UGGT1: variants seen among roughly 807,000 people sequenced by gnomAD.
The protein encoded by UGGT1 is UDP-glucose:glycoprotein glucosyltransferase 1.
UGGT1 carries 107 observed loss-of-function variants against 203.9 expected under a neutral mutation model. That is an observed-to-expected ratio of 0.52 (90% CI 0.45 to 0.62). The LOEUF is 0.62. UGGT1 is among the 20% of genes least tolerant of loss of function. The pLI is 0.00. For missense variants in UGGT1, 1,673 were observed against 1,867.2 expected (o/e 0.90, Z 1.92); for synonymous variants, 628 against 653.5 (o/e 0.96, Z 0.59).
At chr2:128,182,372 A>G in intron 37 of UGGT1, 82 bp downstream of exon 37, 8 of 1,448,894 alleles carry the variant, frequency 5.5e-6, no homozygotes, top group Non-Finnish European at 6.5e-6. Context: ...TGAATAGGTA[A>G]TACATTGGTA....
intron 22 of UGGT1, among the ~76,000 whole-genome samples, chr2:128,158,090 A>G (rs1484169509): frequency 1.3e-5 from 2 of 152,208 alleles, no homozygotes; most frequent in Admixed American, 6.5e-5. Context: ...GCTGTGGTCA[A>G]TTTGAAGTTA....
intron 15 of UGGT1, among the ~76,000 whole-genome samples, chr2:128,137,273 G>A (rs1178318152): frequency 6.6e-6 from 1 of 152,166 alleles, no homozygotes; most frequent in African/African-American, 2.4e-5. Flanking sequence ...AAAAAGAGTA[G>A]CCAGGCGTGG....
At chr2:128,158,064 A>G (rs1690327391) in intron 22 of UGGT1, among the ~76,000 whole-genome samples, 1 of 152,162 alleles carries the variant, frequency 6.6e-6, no homozygotes, top group Admixed American at 6.5e-5. Context: ...TTTATTGTTC[A>G]AGGAGTGGAC....
At chr2:128,160,707 G>T in intron 24 of UGGT1, 116 bp downstream of exon 24, 1 of 1,389,618 alleles carries the variant, frequency 7.2e-7, no homozygotes, top group Non-Finnish European at 9.6e-7. Flanking sequence ...AGGTGATTGG[G>T]GCTTATGAAG....
intron 34 of UGGT1, 99 bp from the exon 35 acceptor site, chr2:128,179,687 C>T: frequency 3.0e-6 from 3 of 998,228 alleles, no homozygotes; most frequent in Non-Finnish European, 4.5e-6. Context: ...GTTAGCTCTG[C>T]CGTAAAGAGC....
At chr2:128,132,801 C>T (rs1688945153) in intron 13 of UGGT1, among the ~76,000 whole-genome samples, 1 of 152,028 alleles carries the variant, frequency 6.6e-6, no homozygotes, top group Non-Finnish European at 1.5e-5. Flanking sequence ...GCCTCGAACC[C>T]CTTGGGCTCA....
chr2:128,132,205 C>CT (rs796930833), intron 13 of UGGT1, among the ~76,000 whole-genome samples: 128 of 145,400 alleles, frequency 8.8e-4, no homozygotes, highest in Non-Finnish European at 5.2e-4. Context: ...TTTTCATATT[C>CT]TTTTTTTTTT....
chr2:128,132,237 C>G (rs1573545486), intron 13 of UGGT1, among the ~76,000 whole-genome samples: 1 of 128,572 alleles, frequency 7.8e-6, no homozygotes, highest in Non-Finnish European at 1.7e-5. Flanking sequence ...TTTACATTTT[C>G]TTTTTTCCTT....
chr2:128,163,540 C>G (rs1429548805), intron 25 of UGGT1, among the ~76,000 whole-genome samples: 1 of 151,642 alleles, frequency 6.6e-6, no homozygotes, highest in East Asian at 2.0e-4. Flanking sequence ...ACGGTGAAAC[C>G]CCGTCTCTAC....
chr2:128,125,942 CTT>C (rs34988352), intron 11 of UGGT1, among the ~76,000 whole-genome samples: 3,529 of 131,784 alleles, frequency 0.027, 91 homozygotes, highest in African/African-American at 0.076. Flanking sequence ...TAAATATATA[CTT>C]TTTTTTTTTT....
rs564640985 is a variant in UGGT1 at position 128,126,241 on chromosome 2, C to T, written c.1135-1120C>T. On this transcript the variant is annotated intron_variant, in intron 11 of 40. Coordinates refer to ENST00000259253, the MANE Select transcript of UGGT1 (RefSeq NM_020120.4). ...ACAGGCATGAACCATCATGCTTGACCAAAATGTATTTTTTTTTTGAGACAG... is the reference window on the plus strand; with the variant it reads ...ACAGGCATGAACCATCATGCTTGACTAAAATGTATTTTTTTTTTGAGACAG... Among the ~76,000 whole-genome samples, 37 of 151,710 alleles carry T rather than the reference C, an allele frequency of 2.4e-4. No individual in the cohort carries two copies. The East Asian group carries it at 7.2e-3, about 29-fold the overall frequency.
At chr2:128,164,423 A>G (rs542270356) in intron 25 of UGGT1, among the ~76,000 whole-genome samples, 1 of 152,352 alleles carries the variant, frequency 6.6e-6, no homozygotes, top group South Asian at 2.1e-4. Flanking sequence ...TAAAAGGACA[A>G]GGGAGAATGT....
intron 9 of UGGT1, among the ~76,000 whole-genome samples, chr2:128,120,898 G>A (rs1409474237): frequency 6.6e-6 from 1 of 152,136 alleles, no homozygotes; most frequent in Non-Finnish European, 1.5e-5. Context: ...GTGATGTATT[G>A]TAAATTTAGA....
At chr2:128,164,372 C>T (rs1243100241) in intron 25 of UGGT1, among the ~76,000 whole-genome samples, 1 of 151,912 alleles carries the variant, frequency 6.6e-6, no homozygotes, top group Non-Finnish European at 1.5e-5. Flanking sequence ...GTTTATTTTC[C>T]AGTGAATTAT....
At chr2:128,172,273 A>G (rs1573614298) in intron 28 of UGGT1, among the ~76,000 whole-genome samples, 1 of 152,204 alleles carries the variant, frequency 6.6e-6, no homozygotes, top group South Asian at 2.1e-4. Flanking sequence ...TGGACAGTAT[A>G]GTGGCTGCTG....
chr2:128,173,362 C>T (rs192447437), intron 29 of UGGT1, among the ~76,000 whole-genome samples: 5 of 152,268 alleles, frequency 3.3e-5, no homozygotes, highest in East Asian at 1.9e-4. Context: ...TCTACTGATA[C>T]GTGAGTACAG....
chr2:128,106,821 A>T (rs4520985), intron 3 of UGGT1, among the ~76,000 whole-genome samples: 136,952 of 152,128 alleles, frequency 0.9, 62,428 homozygotes, highest in Non-Finnish European at 0.98. Flanking sequence ...AAGTGCTGGG[A>T]TTACAGGCAT....
At chr2:128,158,358 T>TCCCACACTTGTGCCCA (rs1247362451) in intron 22 of UGGT1, among the ~76,000 whole-genome samples, 13 of 152,170 alleles carry the variant, frequency 8.5e-5, no homozygotes, top group African/African-American at 3.1e-4. Context: ...CTGAAAGCCC[T>TCCCACACTTGTGCCCA]CCCACACTTG....
chr2:128,097,580 T>C lies in UGGT1; in HGVS notation c.194+16T>C. The C allele has an allele frequency of 6.2e-7, 1 of 1,613,344 alleles. No homozygotes were observed. The highest frequency in any genetic ancestry group is 8.5e-7 in the Non-Finnish European group (1 of 1,179,786). On this transcript the variant is annotated intron_variant, in intron 2 of 40. Transcript: ENST00000259253. ...TAGAAGCCAGGTAAGAGAACATTTT[T>C]TTTCCCTTCGTGTATTTGAGTATAA...
Sources: gnomAD v4.1 joint callset for allele counts (sites outside exome capture counted in the v4.1 genomes callset) on GRCh38, gnomAD v4.1.1 for gene constraint, MANE v1.5 for transcripts, NCBI Gene and HGNC (gene_info 2026-07-23, HGNC 2026-07-21) for gene names.